PDE4D: variants seen among roughly 807,000 people sequenced by gnomAD.
The protein encoded by PDE4D is 3',5'-cyclic-AMP phosphodiesterase 4D.
Under a neutral mutation model 87.4 loss-of-function variants are expected in PDE4D, and 24 were observed. The ratio of observed to expected loss-of-function variants is 0.27; its 90% CI spans 0.20 to 0.39. The LOEUF is 0.39. PDE4D is among the 10% of genes least tolerant of loss of function. PDE4D has a pLI of 1.00. For synonymous variants in PDE4D, 384 were observed against 383.2 expected (o/e 1.00, Z -0.02); for missense variants, 714 against 1,041.0 (o/e 0.69, Z 4.32).
intron 1 of PDE4D, among the ~76,000 whole-genome samples, chr5:59,599,549 T>C (rs1827202349): frequency 6.6e-6 from 1 of 152,178 alleles, no homozygotes; most frequent in Non-Finnish European, 1.5e-5. Flanking sequence ...CTTTAAACTT[T>C]ATTTATAAAG....
In PDE4D at chr5:60,077,948, C is replaced by A. The variant is rs543709909; in HGVS notation, c.43-89231G>T. Among the ~76,000 whole-genome samples, 17 of 152,216 alleles carry A rather than the reference C, an allele frequency of 1.1e-4. 1 individual carries two copies. The South Asian group carries it at 3.1e-3, about 28-fold the overall frequency. On this transcript the variant is annotated intron_variant, in intron 2 of 16. Coordinates refer to the PDE4D transcript ENST00000502484. ...CACTAGCATTGCTCAGGGTTCCCAGCTTCCTCCCTCTGCAGCCCAGCATCT... is the reference window on the plus strand; with the variant it reads ...CACTAGCATTGCTCAGGGTTCCCAGATTCCTCCCTCTGCAGCCCAGCATCT...
At chr5:59,307,926 G>A (rs1325223502) in intron 1 of PDE4D, among the ~76,000 whole-genome samples, 1 of 151,980 alleles carries the variant, frequency 6.6e-6, no homozygotes, top group Non-Finnish European at 1.5e-5. Context: ...GTTTATTGCG[G>A]CACTATTCAC....
At chr5:59,097,781 G>T (rs945240043) in intron 5 of PDE4D, among the ~76,000 whole-genome samples, 1 of 152,124 alleles carries the variant, frequency 6.6e-6, no homozygotes, top group Non-Finnish European at 1.5e-5. Flanking sequence ...CTTCCAGATG[G>T]GACTACTTTC....
intron 1 of PDE4D, among the ~76,000 whole-genome samples, chr5:59,622,169 T>TTA (rs143422555): frequency 2.8e-4 from 43 of 151,462 alleles, no homozygotes; most frequent in South Asian, 1.0e-3. Context: ...ACTATTTTCT[T>TTA]TATATATATA....
intron 1 of PDE4D, among the ~76,000 whole-genome samples, chr5:59,341,144 T>A (rs917563267): frequency 1.3e-5 from 2 of 152,202 alleles, no homozygotes; most frequent in Non-Finnish European, 2.9e-5. Flanking sequence ...GCTCTATGGC[T>A]ACTAGCTCTC....
At chr5:59,406,910 AT>A (rs1249340163) in intron 1 of PDE4D, among the ~76,000 whole-genome samples, 1 of 151,858 alleles carries the variant, frequency 6.6e-6, no homozygotes, top group African/African-American at 2.4e-5. Flanking sequence ...CATTATTTTC[AT>A]TTGTTTGCAT....
At chr5:60,495,845 AAAT>A (rs1191962587) in intron 1 of PDE4D, among the ~76,000 whole-genome samples, 1 of 152,232 alleles carries the variant, frequency 6.6e-6, no homozygotes, top group Non-Finnish European at 1.5e-5. Context: ...GGGGTATCTG[AAAT>A]AATTATCTAT....
intron 2 of PDE4D, among the ~76,000 whole-genome samples, chr5:59,992,852 A>AT (rs1763152255): frequency 6.6e-6 from 1 of 152,152 alleles, no homozygotes; most frequent in Non-Finnish European, 1.5e-5. Flanking sequence ...ATATTCTAAC[A>AT]TTTTCCATTC....
intron 1 of PDE4D, among the ~76,000 whole-genome samples, chr5:59,678,490 T>C (rs1580359259): frequency 6.6e-6 from 1 of 152,068 alleles, no homozygotes; most frequent in Non-Finnish European, 1.5e-5. Flanking sequence ...TTTTGAGATG[T>C]AGTCTGGCTC....
chr5:59,019,742 CTG>C (rs1317319477), intron 6 of PDE4D, among the ~76,000 whole-genome samples: 3 of 152,174 alleles, frequency 2.0e-5, no homozygotes, highest in African/African-American at 7.2e-5. Context: ...TTCTGGTCCT[CTG>C]TATTGAATAC....
At chr5:60,043,662 T>C (rs1395978306) in intron 2 of PDE4D, among the ~76,000 whole-genome samples, 1 of 152,090 alleles carries the variant, frequency 6.6e-6, no homozygotes, top group African/African-American at 2.4e-5. Context: ...ATTTTCTTTT[T>C]TTTTTTTTTA....
At chr5:59,305,081 G>A (rs2153562245) in intron 1 of PDE4D, among the ~76,000 whole-genome samples, 1 of 152,132 alleles carries the variant, frequency 6.6e-6, no homozygotes, top group Admixed American at 6.5e-5. Flanking sequence ...GCTTGTTATT[G>A]ATCTGTTCAG....
At chr5:60,035,879 C>T (rs1024050558) in intron 2 of PDE4D, among the ~76,000 whole-genome samples, 7 of 152,180 alleles carry the variant, frequency 4.6e-5, no homozygotes, top group Non-Finnish European at 1.0e-4. Context: ...TCTTAACATC[C>T]TTGCCATTCC....
intron 2 of PDE4D, among the ~76,000 whole-genome samples, chr5:60,037,492 A>AT (rs1240161498): frequency 2.0e-5 from 3 of 152,158 alleles, no homozygotes; most frequent in African/African-American, 7.2e-5. Flanking sequence ...GTCTGGGCCC[A>AT]TTTGTTTACT....
At chr5:60,081,344 T>G (rs1276213214) in intron 2 of PDE4D, among the ~76,000 whole-genome samples, 1 of 150,900 alleles carries the variant, frequency 6.6e-6, no homozygotes, top group Non-Finnish European at 1.5e-5. Context: ...AAACAGCTCC[T>G]GGATTTGTTG....
At chr5:59,790,972 A>G (rs950960966) in intron 1 of PDE4D, among the ~76,000 whole-genome samples, 1 of 152,188 alleles carries the variant, frequency 6.6e-6, no homozygotes, top group Non-Finnish European at 1.5e-5. Context: ...CCATGTGGTG[A>G]GCACAGGGAG....
intron 2 of PDE4D, among the ~76,000 whole-genome samples, chr5:60,018,169 G>T (rs571627240): frequency 6.6e-6 from 1 of 151,774 alleles, no homozygotes; most frequent in African/African-American, 2.4e-5. Context: ...AGCTAGAAGA[G>T]ATTGGGGGCC....
At chr5:59,648,298 A>G (rs1205425971) in intron 1 of PDE4D, among the ~76,000 whole-genome samples, 1 of 152,214 alleles carries the variant, frequency 6.6e-6, no homozygotes, top group African/African-American at 2.4e-5. Flanking sequence ...ATGTGTGAGC[A>G]ATTCAAAAAT....
At chr5:59,216,728 G>A in intron 1 of PDE4D, 1 of 155,800 alleles carries the variant, frequency 6.4e-6, no homozygotes, top group South Asian at 2.0e-4. Context: ...CTTCTCACAG[G>A]CCATCACCAC....
Sources: gnomAD v4.1 joint callset for allele counts (sites outside exome capture counted in the v4.1 genomes callset) on GRCh38, gnomAD v4.1.1 for gene constraint, MANE v1.5 for transcripts, NCBI Gene and HGNC (gene_info 2026-07-23, HGNC 2026-07-21) for gene names.